SLCO3A1: variants seen among roughly 807,000 people sequenced by gnomAD.
SLCO3A1 encodes the protein solute carrier organic anion transporter family member 3A1.
Under a neutral mutation model 63.1 loss-of-function variants are expected in SLCO3A1, and 27 were observed. The observed-to-expected ratio is 0.43, with a 90% CI of 0.32 to 0.59. SLCO3A1 has a LOEUF of 0.59. Ranked by LOEUF, SLCO3A1 falls within the 20% of genes least tolerant of loss-of-function variation. The pLI is 0.09. For synonymous variants in SLCO3A1, 473 were observed against 409.9 expected, an observed-to-expected ratio of 1.15 and a Z score of -1.86; for missense variants, 773 against 945.8, an observed-to-expected ratio of 0.82 and a Z score of 2.40.
At chr15:92,014,044 T>TA (rs1214868839) in intron 2 of SLCO3A1, among the ~76,000 whole-genome samples, 1 of 152,096 alleles carries the variant, frequency 6.6e-6, no homozygotes, top group Non-Finnish European at 1.5e-5. Context: ...GGCACAATCT[T>TA]ACCCCCAGTG....
intron 2 of SLCO3A1, among the ~76,000 whole-genome samples, chr15:91,988,544 G>C (rs1049402222): frequency 1.3e-4 from 20 of 150,912 alleles, no homozygotes; most frequent in Admixed American, 1.3e-3. Context: ...AAAAGGAAAC[G>C]TGCAGATCAA....
At chr15:91,964,017 C>G (rs1426897920) in intron 2 of SLCO3A1, among the ~76,000 whole-genome samples, 1 of 152,288 alleles carries the variant, frequency 6.6e-6, no homozygotes. Flanking sequence ...CATCTTTTAA[C>G]TAGACCCAGA....
At position 92,135,470 on chromosome 15, in the gene SLCO3A1, C is replaced by T. The variant is rs140059802; in HGVS notation, c.1512+6981C>T. On this transcript the variant is annotated intron_variant, in intron 7 of 9. Transcript: ENST00000318445. ...GTGACCCCACAAGGGAAGAAGAGAT[C>T]GTATTTCTTCTTGCAGTTTTTCAGT... Among the ~76,000 whole-genome samples the T allele has an allele frequency of 3.8e-3, 572 of 152,278 alleles. 3 individuals carry two copies. The highest frequency in any genetic ancestry group is 0.012 in the African/African-American group (494 of 41,554).
At chr15:92,089,735 G>T (rs2047448850) in intron 2 of SLCO3A1, among the ~76,000 whole-genome samples, 1 of 152,180 alleles carries the variant, frequency 6.6e-6, no homozygotes, top group African/African-American at 2.4e-5. Flanking sequence ...GGAAAAGGCA[G>T]ACTCACCACC....
rs2048459839 is a variant in SLCO3A1 at position 92,163,020 on chromosome 15, T to C, written c.2018T>C (p.Leu673Pro). 3 of 1,609,054 alleles carry C rather than the reference T, an allele frequency of 1.9e-6. No homozygotes were observed. The highest frequency in any genetic ancestry group is 2.5e-6 in the Non-Finnish European group (3 of 1,177,090). ...LSTSEFFAST[L>P]TLDNLGRDPV... ...ACCAGTGAGTTCTTTGCCTCTACTC[T>C]GACCCTAGACAACCTGGGGAGGGAC... The change falls in exon 10 of 10, where the codon CTG becomes CCG. Residue 673 changes from leucine to proline, a missense_variant. Coordinates refer to ENST00000318445, the MANE Select transcript of SLCO3A1 (RefSeq NM_013272.4).
chr15:92,105,758 G>A lies in SLCO3A1; in HGVS notation c.1009+1216G>A, dbSNP rs145578404. 2.7e-3 allele frequency among the ~76,000 whole-genome samples: 415 copies of A among 152,312 alleles called. 1 individual carries two copies. The highest frequency in any genetic ancestry group is 9.6e-3 in the African/African-American group (397 of 41,564). On this transcript the variant is annotated intron_variant, in intron 4 of 9. Coordinates refer to ENST00000318445, the MANE Select transcript of SLCO3A1 (RefSeq NM_013272.4). ...CAGGCACTACTTCCCAGGGAAGCTG[G>A]GATGCAGAAGGGAGATGGTCAGTCC...
intron 9 of SLCO3A1, among the ~76,000 whole-genome samples, chr15:92,155,850 A>G (rs552412695): frequency 6.6e-6 from 1 of 152,278 alleles, no homozygotes; most frequent in Non-Finnish European, 1.5e-5. Context: ...ATAAGAAACA[A>G]TAGATCAAGT....
chr15:92,032,578 G>A (rs2046666192), intron 2 of SLCO3A1, among the ~76,000 whole-genome samples: 1 of 152,208 alleles, frequency 6.6e-6, no homozygotes, highest in African/African-American at 2.4e-5. Context: ...TACTGTGCAT[G>A]TAATGGACAA....
chr15:92,085,271 G>A (rs572803208), intron 2 of SLCO3A1, among the ~76,000 whole-genome samples: 72 of 152,308 alleles, frequency 4.7e-4, no homozygotes, highest in African/African-American at 1.5e-3. Flanking sequence ...CAGAGTAGCC[G>A]TGTGCCTGCA....
chr15:91,930,662 T>G (rs1899194081), intron 2 of SLCO3A1, among the ~76,000 whole-genome samples: 1 of 152,222 alleles, frequency 6.6e-6, no homozygotes, highest in African/African-American at 2.4e-5. Context: ...TACAAGGTGC[T>G]GGGGATACAT....
intron 4 of SLCO3A1, among the ~76,000 whole-genome samples, chr15:92,113,319 A>T (rs1006401317): frequency 6.6e-6 from 1 of 151,338 alleles, no homozygotes; most frequent in Non-Finnish European, 1.5e-5. Flanking sequence ...CAGCCACATG[A>T]CTTTTTCTCT....
At chr15:92,064,890 C>T (rs2047130501) in intron 2 of SLCO3A1, among the ~76,000 whole-genome samples, 1 of 152,042 alleles carries the variant, frequency 6.6e-6, no homozygotes, top group African/African-American at 2.4e-5. Flanking sequence ...GAAATGAAGA[C>T]AGATTGGTTA....
At chr15:92,118,709 A>T (rs951728421) in intron 4 of SLCO3A1, among the ~76,000 whole-genome samples, 1 of 152,154 alleles carries the variant, frequency 6.6e-6, no homozygotes, top group Non-Finnish European at 1.5e-5. Flanking sequence ...TTTATTTTGC[A>T]TGCCACCACG....
At chr15:92,041,202 A>AT (rs35194658) in intron 2 of SLCO3A1, among the ~76,000 whole-genome samples, 2,027 of 152,256 alleles carry the variant, frequency 0.013, 27 homozygotes, top group Non-Finnish European at 0.02. Flanking sequence ...CTTTCCTAAG[A>AT]TGAATGACAG....
intron 2 of SLCO3A1, among the ~76,000 whole-genome samples, chr15:92,031,035 G>A (rs1286655095): frequency 1.4e-5 from 2 of 142,390 alleles, no homozygotes; most frequent in Non-Finnish European, 3.1e-5. Flanking sequence ...AGGGAGGGAG[G>A]GAGGGAGGGA....
At chr15:92,084,813 G>A (rs1281781308) in intron 2 of SLCO3A1, among the ~76,000 whole-genome samples, 1 of 152,206 alleles carries the variant, frequency 6.6e-6, no homozygotes, top group Admixed American at 6.5e-5. Context: ...TCACATGGAA[G>A]GGTCAACATT....
intron 4 of SLCO3A1, among the ~76,000 whole-genome samples, chr15:92,109,920 G>T (rs922218279): frequency 6.6e-6 from 1 of 152,082 alleles, no homozygotes; most frequent in African/African-American, 2.4e-5. Flanking sequence ...TTAGATTCCC[G>T]TGGCTGGGCT....
intron 2 of SLCO3A1, among the ~76,000 whole-genome samples, chr15:92,050,917 G>A (rs542130764): frequency 1.3e-5 from 2 of 152,050 alleles, no homozygotes; most frequent in Admixed American, 6.6e-5. Context: ...AGACTTTCAC[G>A]CATGCTTTTC....
rs548119539 is a variant in SLCO3A1 at position 92,113,357 on chromosome 15, G to A, written c.1010-7108G>A. Among the ~76,000 whole-genome samples, 8 of 152,204 alleles carry A rather than the reference G, an allele frequency of 5.3e-5. No individual in the cohort carries two copies. In the East Asian group the frequency reaches 9.7e-4, roughly 18 times the overall value. On this transcript the variant is annotated intron_variant, in intron 4 of 9. Transcript: ENST00000318445. ...GGCCTTCTTGGTGGGGTTATGAAGC[G>A]TTGGTGACCTTAAAGGAATCAATAG...
Sources: allele counts gnomAD v4.1 joint callset (sites outside exome capture counted in the v4.1 genomes callset), GRCh38; gene constraint gnomAD v4.1.1; transcripts MANE v1.5; gene names NCBI Gene and HGNC (gene_info 2026-07-23, HGNC 2026-07-21).